Variants in ZNF616 observed in about 807,000 individuals in gnomAD.
ZNF616 encodes the protein zinc finger protein 616.
Under a neutral mutation model 7.6 loss-of-function variants are expected in ZNF616, and 5 were observed. The ratio of observed to expected loss-of-function variants is 0.66; its 90% CI spans 0.34 to 1.38. The LOEUF is 1.38. Among genes scored for constraint, ZNF616 ranks in the 40% most tolerant of loss-of-function variants. The pLI, the probability that ZNF616 is intolerant of heterozygous loss-of-function variation, is 0.04. For missense variants in ZNF616, 913 were observed against 948.3 expected (o/e 0.96, Z 0.49); for synonymous variants, 319 against 317.2 (o/e 1.01, Z -0.06).
intron 3 of ZNF616, among the ~76,000 whole-genome samples, chr19:52,118,601 G>A (rs1249011999): frequency 6.6e-6 from 1 of 152,206 alleles, no homozygotes; most frequent in East Asian, 1.9e-4. Context: ...TGACATGTTA[G>A]ACTTCTCACC....
At chr19:52,122,794 C>T (rs1018495355) in intron 3 of ZNF616, among the ~76,000 whole-genome samples, 1 of 151,918 alleles carries the variant, frequency 6.6e-6, no homozygotes, top group African/African-American at 2.4e-5. Context: ...ACCGCCACAC[C>T]CTGCTAATTT....
At position 52,116,845 on chromosome 19, in the gene ZNF616, T is replaced by G; in HGVS notation, c.319A>C (p.Asn107His). Residue 107 changes from asparagine (N) to histidine (H), a missense_variant, in exon 4 of 4, where the codon AAT becomes CAT. Transcript: ENST00000600228. ...TGGGGCACTGGCACTTCTTTATCAT[T>G]TGTTTCACCATCTTTCCATTGAAAT... ...LEFQWKDGET[N>H]DKEVPVPHEN... 1.2e-6 allele frequency: 2 copies of G among 1,613,878 alleles called. No homozygotes were observed. The highest frequency in any genetic ancestry group is 1.7e-6 in the Non-Finnish European group (2 of 1,179,920).
intron 1 of ZNF616, among the ~76,000 whole-genome samples, chr19:52,132,956 C>G (rs1462708437): frequency 2.6e-5 from 4 of 152,100 alleles, no homozygotes; most frequent in African/African-American, 9.7e-5. Context: ...AGTCCGGACA[C>G]AGCAGCAGAG....
At chr19:52,122,028 T>C (rs1175512878) in intron 3 of ZNF616, among the ~76,000 whole-genome samples, 1 of 150,580 alleles carries the variant, frequency 6.6e-6, no homozygotes, top group Admixed American at 6.6e-5. Context: ...GATTTGAAAA[T>C]AATAATTCAG....
chr19:52,117,048 T>C, intron 3 of ZNF616, 24 bp from the exon 4 acceptor site: 1 of 1,507,188 alleles, frequency 6.6e-7, no homozygotes, highest in Non-Finnish European at 8.8e-7. Flanking sequence ...TGAACATGAG[T>C]TTTTTTTTAA....
At chr19:52,132,617 C>A (rs533021757) in intron 1 of ZNF616, among the ~76,000 whole-genome samples, 6 of 152,112 alleles carry the variant, frequency 3.9e-5, no homozygotes, top group African/African-American at 1.4e-4. Flanking sequence ...GCGCCTCCCC[C>A]CTCACTCTCT....
intron 2 of ZNF616, among the ~76,000 whole-genome samples, 167 bp from the exon 3 acceptor site, chr19:52,124,216 T>C (rs1215457072): frequency 6.6e-6 from 1 of 152,236 alleles, no homozygotes; most frequent in East Asian, 1.9e-4. Flanking sequence ...TAAAATACAA[T>C]AGGAGACTAT....
chr19:52,124,395 C>G (rs1352535456), intron 2 of ZNF616, among the ~76,000 whole-genome samples: 7 of 152,208 alleles, frequency 4.6e-5, no homozygotes, highest in Admixed American at 4.6e-4. Context: ...ATGACAATGT[C>G]TACAGCGGCT....
chr19:52,123,872 AC>A, intron 3 of ZNF616, 50 bp downstream of exon 3: 1 of 1,610,966 alleles, frequency 6.2e-7, no homozygotes, highest in South Asian at 1.1e-5. Context: ...CAGAGGAAAT[AC>A]AAAAATGCAC....
rs918459400 is a variant in ZNF616 at position 52,115,028 on chromosome 19, A to G, written c.2136T>C (p.Thr712=). The G allele has an allele frequency of 6.2e-7, 1 of 1,614,198 alleles. No individual in the cohort carries two copies. Among genetic ancestry groups the G allele is most frequent in the Admixed American group, 1.7e-5 (1 of 60,026 alleles). Residue 712 remains threonine, a synonymous_variant, in exon 4 of 4, where the codon ACT becomes ACC. Transcript: ENST00000600228. ...SHLVSHQRIH[T]GEKRYKCIEC... Reference sequence around the variant, plus strand: ...CAATACATTTGTATCTTTTCTCTCCAGTGTGGATTCTCTGGTGACTTACAA... The same window carrying G: ...CAATACATTTGTATCTTTTCTCTCCGGTGTGGATTCTCTGGTGACTTACAA...
At chr19:52,131,089 G>A (rs764125986) in intron 1 of ZNF616, among the ~76,000 whole-genome samples, 1 of 151,964 alleles carries the variant, frequency 6.6e-6, no homozygotes, top group Non-Finnish European at 1.5e-5. Flanking sequence ...CCAACATGGT[G>A]AAACACCCTC....
chr19:52,120,260 A>T (rs1052089765), intron 3 of ZNF616, among the ~76,000 whole-genome samples: 13 of 152,236 alleles, frequency 8.5e-5, no homozygotes, highest in Non-Finnish European at 1.9e-4. Flanking sequence ...AGTTTAAAAC[A>T]GGATGTTATA....
chr19:52,126,175 G>A (rs2088905658), intron 2 of ZNF616, among the ~76,000 whole-genome samples: 1 of 152,168 alleles, frequency 6.6e-6, no homozygotes, highest in African/African-American at 2.4e-5. Flanking sequence ...GAAACCAACT[G>A]AATCTGTACA....
intron 1 of ZNF616, among the ~76,000 whole-genome samples, chr19:52,131,168 T>C (rs1054611235): frequency 1.4e-5 from 2 of 146,692 alleles, no homozygotes; most frequent in Non-Finnish European, 3.0e-5. Context: ...CTTGGGAGGC[T>C]GAGGCAGGAG....
At position 52,114,921 on chromosome 19, in the gene ZNF616, T is replaced by C. The variant is rs761512029; in HGVS notation, c.2243A>G (p.Asn748Ser). 6.8e-6 allele frequency: 11 copies of C among 1,614,038 alleles called. No individual in the cohort carries two copies. The highest frequency in any genetic ancestry group is 2.2e-5 in the South Asian group (2 of 91,084). The change falls in exon 4 of 4, where the codon AAT (asparagine) becomes AGT (serine). Residue 748 changes from asparagine to serine, a missense_variant. Coordinates refer to ENST00000600228, the MANE Select transcript of ZNF616 (RefSeq NM_178523.5). ...IHSGKKPYKC[N>S]ECGKSFICRS... is the part of the protein sequence containing the mutation. ...ACAAATAAAAGATTTCCCACACTCA[T>C]TACATTTATAAGGTTTTTTGCCAGA...
At chr19:52,134,346 T>A (rs1353338146) in intron 1 of ZNF616, among the ~76,000 whole-genome samples, 2 of 152,212 alleles carry the variant, frequency 1.3e-5, no homozygotes, top group Non-Finnish European at 2.9e-5. Context: ...AGGATCGAAT[T>A]TGTTGTGATT....
intron 3 of ZNF616, among the ~76,000 whole-genome samples, chr19:52,122,627 TC>T (rs1352464805): frequency 6.6e-6 from 1 of 151,750 alleles, no homozygotes; most frequent in Non-Finnish European, 1.5e-5. Flanking sequence ...TGTAATCAAT[TC>T]CATTAACAAT....
intron 2 of ZNF616, among the ~76,000 whole-genome samples, chr19:52,128,139 G>C (rs1381874780): frequency 1.3e-5 from 2 of 150,376 alleles, no homozygotes; most frequent in Admixed American, 1.3e-4. Context: ...AGGTGCAATG[G>C]TGTCCTCATA....
Position 52,130,597 on chromosome 19 carries a change from TAA to T in ZNF616, c.-76-11_-76-10del. ...TTATTCACACATCAAACCTGAAAGT[TAA>T]AAAATCTGTTGTTTAATGCTTGGAA... On this transcript the variant is annotated splice_polypyrimidine_tract_variant and intron_variant, in intron 1 of 3. Coordinates refer to ENST00000600228, the MANE Select transcript of ZNF616 (RefSeq NM_178523.5). 1 of 1,548,712 alleles carries T rather than the reference TAA, an allele frequency of 6.5e-7. No homozygotes were observed. Among genetic ancestry groups the T allele is most frequent in the Non-Finnish European group, 8.7e-7 (1 of 1,150,634 alleles).
Sources: allele counts gnomAD v4.1 joint callset (sites outside exome capture counted in the v4.1 genomes callset), GRCh38; gene constraint gnomAD v4.1.1; transcripts MANE v1.5; gene names NCBI Gene and HGNC (gene_info 2026-07-23, HGNC 2026-07-21).